Variants in NKAIN3 observed in about 807,000 individuals in gnomAD.
The protein encoded by NKAIN3 is sodium/potassium transporting ATPase interacting 3.
In NKAIN3, 25 loss-of-function variants were observed where a neutral mutation model predicts 30.2. The ratio of observed to expected loss-of-function variants is 0.83; its 90% CI spans 0.60 to 1.16. The LOEUF (loss-of-function observed/expected upper bound fraction) is 1.16, where lower values mean the gene tolerates loss of function less well. Among genes scored for constraint, NKAIN3 ranks in the 50% most tolerant of loss-of-function variants. NKAIN3 has a pLI of 0.00. For missense variants in NKAIN3, 225 were observed against 254.1 expected, an observed-to-expected ratio of 0.89 and a Z score of 0.78; for synonymous variants, 91 against 89.6, an observed-to-expected ratio of 1.02 and a Z score of -0.09.
At chr8:62,263,538 G>T (rs145350666) in intron 1 of NKAIN3, among the ~76,000 whole-genome samples, 358 of 152,246 alleles carry the variant, frequency 2.4e-3, no homozygotes, top group African/African-American at 7.8e-3. Flanking sequence ...GAGTACTGCA[G>T]GCTGACCTCA....
intron 1 of NKAIN3, among the ~76,000 whole-genome samples, chr8:62,553,958 G>T (rs1446544217): frequency 3.3e-5 from 5 of 152,084 alleles, no homozygotes; most frequent in Admixed American, 6.5e-5. Context: ...TTAGCATTAG[G>T]AAACAATATC....
At chr8:62,440,010 G>A (rs1174292001) in intron 1 of NKAIN3, among the ~76,000 whole-genome samples, 1 of 152,130 alleles carries the variant, frequency 6.6e-6, no homozygotes, top group Non-Finnish European at 1.5e-5. Context: ...AGACATTCAG[G>A]ACCCACTTTT....
intron 1 of NKAIN3, among the ~76,000 whole-genome samples, chr8:62,421,776 T>G (rs74419916): frequency 2.0e-5 from 3 of 152,160 alleles, no homozygotes; most frequent in Non-Finnish European, 4.4e-5. Context: ...AATATATTTT[T>G]GTATATCATG....
Position 62,972,941 on chromosome 8 carries a change from T to G in NKAIN3, c.*7534T>G, listed in dbSNP as rs1341517075. Among the ~76,000 whole-genome samples the G allele has an allele frequency of 6.6e-6, 1 of 151,244 alleles. No individual in the cohort carries two copies. The highest frequency in any genetic ancestry group is 2.4e-5 in the African/African-American group (1 of 40,908). ...ATATGCAGTGTTTGTTTTTTGTTCC[T>G]GTGTTAGTTTGCTGAGAATGATGGT... On this transcript the variant is annotated 3_prime_UTR_variant, in exon 7 of 7. Transcript: ENST00000623646.
intron 1 of NKAIN3, among the ~76,000 whole-genome samples, chr8:62,253,678 C>G (rs1812178447): frequency 6.6e-6 from 1 of 152,304 alleles, no homozygotes; most frequent in Non-Finnish European, 1.5e-5. Flanking sequence ...AACTTCCTTT[C>G]CATACCACAT....
At chr8:62,335,432 CAAAAAA>C (rs5891845) in intron 1 of NKAIN3, among the ~76,000 whole-genome samples, 1 of 82,214 alleles carries the variant, frequency 1.2e-5, no homozygotes. Context: ...GACTCTGTCT[CAAAAAA>C]AAAAAAAAAA....
intron 3 of NKAIN3, among the ~76,000 whole-genome samples, chr8:62,721,255 A>G (rs935745581): frequency 6.6e-6 from 1 of 152,244 alleles, no homozygotes; most frequent in Non-Finnish European, 1.5e-5. Context: ...ATTCTAAAAT[A>G]TAAGAAAACT....
intron 1 of NKAIN3, among the ~76,000 whole-genome samples, chr8:62,438,005 C>T (rs1260733173): frequency 6.6e-6 from 1 of 152,178 alleles, no homozygotes; most frequent in African/African-American, 2.4e-5. Flanking sequence ...TATGATTTTG[C>T]AAATTTTCTC....
At chr8:62,703,264 T>TAATC (rs1356980086) in intron 3 of NKAIN3, among the ~76,000 whole-genome samples, 4 of 152,150 alleles carry the variant, frequency 2.6e-5, no homozygotes, top group African/African-American at 9.7e-5. Flanking sequence ...TATTCACTGT[T>TAATC]TTTGGTCATC....
In NKAIN3 at chr8:62,591,177, T is replaced by C. The variant is rs566532830; in HGVS notation, c.273+1383T>C. Among the ~76,000 whole-genome samples, 424 of 151,990 alleles carry C rather than the reference T, an allele frequency of 2.8e-3. 4 individuals are homozygous for C. Among genetic ancestry groups the C allele is most frequent in the African/African-American group, 9.3e-3 (385 of 41,514 alleles). The stretch of plus-strand genomic sequence containing the variant: ...TTTTTATTTCACTGGGTAGAAATTA[T>C]TTTTTCTTCTATATACACTAATTTG... On this transcript the variant is annotated intron_variant, in intron 3 of 6. Coordinates refer to ENST00000623646, the MANE Select transcript of NKAIN3 (RefSeq NM_001304533.3).
chr8:62,686,703 A>C (rs1374037304), intron 3 of NKAIN3, among the ~76,000 whole-genome samples: 1 of 152,148 alleles, frequency 6.6e-6, no homozygotes, highest in Non-Finnish European at 1.5e-5. Context: ...CAACACTCTC[A>C]ACTCAATTAC....
intron 1 of NKAIN3, among the ~76,000 whole-genome samples, chr8:62,389,718 A>C (rs531906420): frequency 1.1e-4 from 17 of 152,320 alleles, no homozygotes; most frequent in African/African-American, 4.1e-4. Context: ...TGCACTCCAA[A>C]AAATGCAGAG....
intron 3 of NKAIN3, among the ~76,000 whole-genome samples, chr8:62,641,200 CT>C (rs1448222763): frequency 1.3e-5 from 2 of 152,100 alleles, no homozygotes; most frequent in African/African-American, 2.4e-5. Context: ...TTGATAAGCA[CT>C]CTTCTAGATG....
intron 1 of NKAIN3, among the ~76,000 whole-genome samples, chr8:62,319,860 G>C (rs1585674804): frequency 6.6e-6 from 1 of 152,130 alleles, no homozygotes; most frequent in Non-Finnish European, 1.5e-5. Flanking sequence ...GCTTGGTGCT[G>C]AGCTGAGTTC....
chr8:62,324,041 T>C (rs1193370823), intron 1 of NKAIN3, among the ~76,000 whole-genome samples: 1 of 152,132 alleles, frequency 6.6e-6, no homozygotes, highest in African/African-American at 2.4e-5. Context: ...ATTGTAATGA[T>C]GGGCACTTAC....
chr8:62,281,847 A>G (rs1585629698), intron 1 of NKAIN3, among the ~76,000 whole-genome samples: 1 of 152,162 alleles, frequency 6.6e-6, no homozygotes, highest in East Asian at 1.9e-4. Context: ...TTCAAATTGA[A>G]TACAGGAAGC....
At chr8:62,964,522 AAGAG>A (rs529053270) in intron 6 of NKAIN3, among the ~76,000 whole-genome samples, 6 of 135,194 alleles carry the variant, frequency 4.4e-5, no homozygotes, top group Non-Finnish European at 6.4e-5. Context: ...CCAGTAGAGA[AAGAG>A]AGAGAGAGAG....
intron 1 of NKAIN3, among the ~76,000 whole-genome samples, chr8:62,374,030 T>G (rs1816990952): frequency 6.8e-6 from 1 of 147,990 alleles, no homozygotes; most frequent in African/African-American, 2.6e-5. Context: ...GGAGAATTGC[T>G]TGAACCTGGG....
chr8:62,588,969 G>A (rs1810567080), intron 2 of NKAIN3, among the ~76,000 whole-genome samples: 1 of 151,758 alleles, frequency 6.6e-6, no homozygotes, highest in African/African-American at 2.4e-5. Flanking sequence ...CCATTGATGA[G>A]TCTCTCGATC....
Sources: gnomAD v4.1 joint callset for allele counts (sites outside exome capture counted in the v4.1 genomes callset) on GRCh38, gnomAD v4.1.1 for gene constraint, MANE v1.5 for transcripts, NCBI Gene and HGNC (gene_info 2026-07-23, HGNC 2026-07-21) for gene names.